KNTC1: variants seen among roughly 807,000 people sequenced by gnomAD.
The protein encoded by KNTC1 is kinetochore-associated protein 1.
KNTC1 carries 253 observed loss-of-function variants against 314.4 expected under a neutral mutation model. The ratio of observed to expected loss-of-function variants is 0.80; its 90% CI spans 0.73 to 0.89. The LOEUF (loss-of-function observed/expected upper bound fraction) is 0.89. KNTC1 is among the 40% of genes least tolerant of loss of function. The pLI is 0.00. For missense variants in KNTC1, 2,475 were observed against 2,572.9 expected, an observed-to-expected ratio of 0.96 and a Z score of 0.82; for synonymous variants, 901 against 901.4, an observed-to-expected ratio of 1.00 and a Z score of 0.01.
At chr12:122,535,779 A>G (rs771452080) in intron 3 of KNTC1, among the ~76,000 whole-genome samples, 18 of 152,046 alleles carry the variant, frequency 1.2e-4, no homozygotes, top group African/African-American at 3.6e-4. Flanking sequence ...TTATGCCACT[A>G]TACTCTAGCC....
chr12:122,571,806 A>G (rs921648502), intron 24 of KNTC1, among the ~76,000 whole-genome samples: 1 of 151,992 alleles, frequency 6.6e-6, no homozygotes, highest in East Asian at 1.9e-4. Context: ...TGTAGCTGGG[A>G]CTACAGGCAC....
At chr12:122,550,252 T>C (rs1341379634) in intron 13 of KNTC1, among the ~76,000 whole-genome samples, 1 of 152,204 alleles carries the variant, frequency 6.6e-6, no homozygotes, top group African/African-American at 2.4e-5. Context: ...ACTGTAGTTT[T>C]CCACATTTTG....
In KNTC1 at chr12:122,597,870, C is replaced by G. The variant is rs772694843; in HGVS notation, c.4495C>G (p.Leu1499Val). The part of the protein sequence containing the change: ...RRHPKLLAKA[L>V]EMVPLLTSTK... ...GCATCCCAAACTCCTGGCCAAAGCC[C>G]TTGAGATGGTTCCTTTACTGACGAG... The change falls in exon 44 of 64, where the codon CTT (leucine) becomes GTT (valine). Residue 1499 changes from leucine to valine, a missense_variant. Coordinates refer to ENST00000333479, the MANE Select transcript of KNTC1 (RefSeq NM_014708.6). The G allele has an allele frequency of 6.2e-6, 10 of 1,614,026 alleles. No homozygotes were observed. In the South Asian group the frequency reaches 8.8e-5, roughly 14 times the overall value.
intron 34 of KNTC1, among the ~76,000 whole-genome samples, 168 bp from the exon 35 acceptor site, chr12:122,584,109 GC>G (rs1868862240): frequency 6.6e-6 from 1 of 152,160 alleles, no homozygotes; most frequent in African/African-American, 2.4e-5. Flanking sequence ...AGGCGATAGG[GC>G]TAGAGCCTGT....
chr12:122,619,202 C>T (rs1167702531), intron 59 of KNTC1, among the ~76,000 whole-genome samples: 2 of 150,228 alleles, frequency 1.3e-5, no homozygotes, highest in Non-Finnish European at 3.0e-5. Flanking sequence ...GGATTACAGG[C>T]ACGTGCCACC....
chr12:122,565,113 AT>A (rs1388837481), intron 20 of KNTC1, among the ~76,000 whole-genome samples: 1 of 151,906 alleles, frequency 6.6e-6, no homozygotes, highest in Non-Finnish European at 1.5e-5. Flanking sequence ...ATGCAAAAAA[AT>A]TTTTTTTAAA....
In KNTC1 at chr12:122,625,901, G is replaced by T. The variant is rs1305285900; in HGVS notation, c.6607-304G>T. 2.6e-5 allele frequency among the ~76,000 whole-genome samples: 4 copies of T among 152,066 alleles called. No individual in the cohort carries two copies. The East Asian group carries it at 7.7e-4, about 29-fold the overall frequency. ...GTATCGTGGCTTTTTTCTTCCTTTG[G>T]TCCAGATCAGGCATATTAGAATGAG... On this transcript the variant is annotated intron_variant, in intron 63 of 63. Coordinates refer to ENST00000333479, the MANE Select transcript of KNTC1 (RefSeq NM_014708.6).
intron 7 of KNTC1, 92 bp from the exon 8 acceptor site, chr12:122,544,067 A>T (rs1249437677): frequency 5.4e-5 from 28 of 518,348 alleles, no homozygotes; most frequent in Admixed American, 1.2e-4. Context: ...AAAAAAAAAA[A>T]TTTATAACTG....
intron 41 of KNTC1, 82 bp from the exon 42 acceptor site, chr12:122,591,255 T>G: frequency 1.3e-6 from 1 of 784,964 alleles, no homozygotes; most frequent in Non-Finnish European, 2.3e-6. Flanking sequence ...GTTATGATTT[T>G]TATTGTTGCG....
chr12:122,541,906 C>T, intron 5 of KNTC1, 144 bp from the exon 6 acceptor site: 2 of 613,334 alleles, frequency 3.3e-6, no homozygotes, highest in Non-Finnish European at 5.1e-6. Flanking sequence ...GTAGTCCCAG[C>T]TACTTGGGAG....
At position 122,604,887 on chromosome 12, in the gene KNTC1, G is replaced by A. The variant is rs766109359; in HGVS notation, c.5186G>A (p.Arg1729His). 25 of 1,601,948 alleles carry A rather than the reference G, an allele frequency of 1.6e-5. No individual in the cohort carries two copies. The highest frequency in any genetic ancestry group is 2.1e-5 in the Non-Finnish European group (25 of 1,174,072). Residue 1729 changes from arginine to histidine, a missense_variant, in exon 50 of 64, where the codon CGT becomes CAT. Physicochemically the swap from Arg to His is conservative, Grantham distance 29. Transcript: ENST00000333479. Reference protein sequence around the residue: ...LQNIPSQDEKREKAEALLKKL... With the variant: ...LQNIPSQDEKHEKAEALLKKL... ...GGAATTGTTTAAAAGGACGAAAAAC[G>A]TGAAAAAGCCGAGGCTTTGTTGAAG...
At chr12:122,597,565 A>C in intron 43 of KNTC1, 166 bp from the exon 44 acceptor site, 1 of 636,476 alleles carries the variant, frequency 1.6e-6, no homozygotes. Flanking sequence ...GATTTTTAAA[A>C]GGCAATAATT....
chr12:122,597,617 A>C, intron 43 of KNTC1, 114 bp from the exon 44 acceptor site: 1 of 833,134 alleles, frequency 1.2e-6, no homozygotes, highest in South Asian at 1.5e-5. Flanking sequence ...GAGACTGGAC[A>C]ATGACAAGGT....
chr12:122,600,381 G>GAGCCACTGTACCC (rs1251822965), intron 44 of KNTC1, among the ~76,000 whole-genome samples: 2 of 152,146 alleles, frequency 1.3e-5, no homozygotes, highest in Non-Finnish European at 2.9e-5. Flanking sequence ...TTACAGGCAT[G>GAGCCACTGTACCC]AGCCACTGTA....
Position 122,557,387 on chromosome 12 carries a change from GT to G in KNTC1, c.1279del (p.Tyr427ThrfsTer14). 6.2e-7 allele frequency: 1 copy of G among 1,611,796 alleles called. No homozygotes were observed. Among genetic ancestry groups the G allele is most frequent in the Non-Finnish European group, 8.5e-7 (1 of 1,178,900 alleles). ...AIQFGLDVEL[V>X]YKVKSNHILE... is the part of the protein sequence containing the mutation. ...ATGTGGCGTGTTTATATTACAGCTT[GT>G]TTACAAGGTCAAGTCAAATCATATA... On this transcript the variant is annotated frameshift_variant, in exon 17 of 64. Coordinates refer to ENST00000333479, the MANE Select transcript of KNTC1 (RefSeq NM_014708.6). LOFTEE classifies it high-confidence loss of function.
intron 1 of KNTC1, 32 bp from the exon 2 acceptor site, chr12:122,529,959 A>G: frequency 1.6e-6 from 2 of 1,253,090 alleles, no homozygotes; most frequent in Non-Finnish European, 2.2e-6. Flanking sequence ...AAGCTTTATC[A>G]TTTCCCAAGG....
intron 24 of KNTC1, among the ~76,000 whole-genome samples, chr12:122,572,009 C>T (rs1964719104): frequency 6.6e-6 from 1 of 152,074 alleles, no homozygotes; most frequent in Admixed American, 6.6e-5. Flanking sequence ...TTTCTCTATT[C>T]AACCAACCAA....
At chr12:122,545,246 G>A (rs1962668033) in intron 8 of KNTC1, among the ~76,000 whole-genome samples, 1 of 152,056 alleles carries the variant, frequency 6.6e-6, no homozygotes, top group Non-Finnish European at 1.5e-5. Flanking sequence ...TATATATTAA[G>A]AAGTAGTCAG....
intron 1 of KNTC1, among the ~76,000 whole-genome samples, chr12:122,529,050 G>T (rs1472030794): frequency 6.6e-6 from 1 of 152,058 alleles, no homozygotes; most frequent in Non-Finnish European, 1.5e-5. Context: ...CGTCATGTTG[G>T]CCAGGCTGGT....
Sources: allele counts gnomAD v4.1 joint callset (sites outside exome capture counted in the v4.1 genomes callset), GRCh38; gene constraint gnomAD v4.1.1; transcripts MANE v1.5; gene names NCBI Gene and HGNC (gene_info 2026-07-23, HGNC 2026-07-21).